The following BPGM variants were observed in gnomAD, a reference collection of about 807,000 sequenced individuals.
The protein encoded by BPGM is 2,3-bisphosphoglycerate mutase, erythrocyte.
A neutral mutation model predicts 21.6 loss-of-function variants in BPGM; 15 were observed. The ratio of observed to expected loss-of-function variants is 0.70; its 90% CI spans 0.47 to 1.07. The LOEUF (loss-of-function observed/expected upper bound fraction) is 1.07, where lower values mean the gene tolerates loss of function less well. BPGM is among the 50% of genes least tolerant of loss of function. The pLI is 0.00. For missense variants in BPGM, 273 were observed against 319.0 expected (o/e 0.86, Z 1.10); for synonymous variants, 113 against 116.2 (o/e 0.97, Z 0.18).
chr7:134,647,477 A>G (rs1795479289), intron 1 of BPGM, among the ~76,000 whole-genome samples: 1 of 152,260 alleles, frequency 6.6e-6, no homozygotes, highest in South Asian at 2.1e-4. Context: ...CACTAGAAAT[A>G]AAAACGTAAG....
rs138448260 is a variant in BPGM, at chr7:134,673,466, A to G, written c.602-5387A>G. Among the ~76,000 whole-genome samples, 17 of 152,340 alleles carry G rather than the reference A, an allele frequency of 1.1e-4. No individual in the cohort carries two copies. The East Asian group carries it at 2.7e-3, about 24-fold the overall frequency. The stretch of plus-strand genomic sequence containing the variant: ...AGGGACCAAACTTGAGAGTGCTGCT[A>G]TTAAACAGGGGACCTGTTGGATCCG... On this transcript the variant is annotated intron_variant, in intron 2 of 2. Coordinates refer to ENST00000344924, the MANE Select transcript of BPGM (RefSeq NM_001724.5).
chr7:134,661,997 A>C lies in BPGM; in HGVS notation c.490A>C (p.Arg164=). 1.9e-6 allele frequency: 3 copies of C among 1,614,172 alleles called. No homozygotes were observed. The highest frequency in any genetic ancestry group is 2.5e-6 in the Non-Finnish European group (3 of 1,180,028). ...RSESLKDVLE[R]LLPYWNERIA... ...GGAAAGCTTAAAGGATGTTCTGGAG[A>C]GACTCCTTCCCTATTGGAATGAAAG... Residue 164 remains arginine (R), a synonymous_variant, in exon 2 of 3, where the codon AGA becomes CGA. Transcript: ENST00000344924. The surrounding 1 kb of genome is among the most constrained non-coding windows in gnomAD (Gnocchi z 4.6).
At chr7:134,655,841 G>A (rs889548657) in intron 1 of BPGM, among the ~76,000 whole-genome samples, 1 of 152,148 alleles carries the variant, frequency 6.6e-6, no homozygotes, top group Non-Finnish European at 1.5e-5. Flanking sequence ...GATGTGCTAG[G>A]TTCTAGAGAT....
At chr7:134,657,613 C>A (rs1795660846) in intron 1 of BPGM, among the ~76,000 whole-genome samples, 1 of 152,114 alleles carries the variant, frequency 6.6e-6, no homozygotes, top group African/African-American at 2.4e-5. Context: ...TGAACCTAAC[C>A]CTAGGGTATG....
At chr7:134,648,408 T>C (rs1585848964) in intron 1 of BPGM, among the ~76,000 whole-genome samples, 1 of 152,288 alleles carries the variant, frequency 6.6e-6, no homozygotes, top group East Asian at 1.9e-4. Flanking sequence ...GTGCTGGGAT[T>C]ACAGGTGTGA....
intron 2 of BPGM, among the ~76,000 whole-genome samples, chr7:134,672,039 G>A (rs1011057363): frequency 3.9e-5 from 6 of 152,126 alleles, no homozygotes; most frequent in Non-Finnish European, 7.4e-5. Flanking sequence ...GAGGGGGTTG[G>A]TAGGTGCAAA....
chr7:134,666,251 A>G (rs1400093249), intron 2 of BPGM, among the ~76,000 whole-genome samples: 1 of 152,142 alleles, frequency 6.6e-6, no homozygotes, highest in Non-Finnish European at 1.5e-5. Context: ...TTTATAGAAA[A>G]TGTTTTTATT....
chr7:134,652,683 A>G (rs1353030936), intron 1 of BPGM, among the ~76,000 whole-genome samples: 2 of 152,070 alleles, frequency 1.3e-5, no homozygotes, highest in Non-Finnish European at 2.9e-5. Flanking sequence ...AATACATTCA[A>G]TTTTCAAAAT....
Position 134,650,393 on chromosome 7 carries a change from TA to T in BPGM, c.-62+3457del, listed in dbSNP as rs1795537125. 2.6e-5 allele frequency among the ~76,000 whole-genome samples: 4 copies of T among 152,156 alleles called. No individual in the cohort carries two copies. The South Asian group carries it at 8.3e-4, about 31-fold the overall frequency. ...GGTTATTCTTGTAACAAGCAATCAG[TA>T]GGAAATATTAGTAGATGTAAGATTG... On this transcript the variant is annotated intron_variant, in intron 1 of 2. Coordinates refer to ENST00000344924, the MANE Select transcript of BPGM (RefSeq NM_001724.5).
At chr7:134,647,825 G>A (rs1044168005) in intron 1 of BPGM, among the ~76,000 whole-genome samples, 14 of 152,036 alleles carry the variant, frequency 9.2e-5, no homozygotes, top group Non-Finnish European at 1.3e-4. Flanking sequence ...ACGGAGTCTC[G>A]CTCTGTCGCC....
intron 1 of BPGM, among the ~76,000 whole-genome samples, chr7:134,659,384 TG>T (rs1795693823): frequency 1.8e-5 from 2 of 109,584 alleles, no homozygotes; most frequent in Non-Finnish European, 3.8e-5. Context: ...TGTGTGTGTG[TG>T]TGTGTGTGTG....
intron 1 of BPGM, among the ~76,000 whole-genome samples, chr7:134,657,183 A>G (rs188265552): frequency 1.5e-4 from 23 of 152,346 alleles, no homozygotes; most frequent in African/African-American, 4.8e-4. Context: ...TGTGCCTCGC[A>G]TTATATCTTG....
chr7:134,663,188 A>G (rs141969861), intron 2 of BPGM, among the ~76,000 whole-genome samples: 100 of 152,376 alleles, frequency 6.6e-4, no homozygotes, highest in Non-Finnish European at 2.4e-4. Context: ...AATAAGTAGA[A>G]ATAGATTATT....
At position 134,679,664 on chromosome 7, in the gene BPGM, C is replaced by T. The variant is rs1344126607; in HGVS notation, c.*633C>T. ...CCTTCATTTGACATTTAGTAGAATT[C>T]CTCTTTGGCCACAAGAATAAGCAGC... is the stretch of plus-strand genomic sequence containing the variant. On this transcript the variant is annotated 3_prime_UTR_variant, in exon 3 of 3. Coordinates refer to ENST00000344924, the MANE Select transcript of BPGM (RefSeq NM_001724.5). The T allele has an allele frequency of 6.6e-6, 1 of 152,188 alleles. No individual in the cohort carries two copies. Among genetic ancestry groups the T allele is most frequent in the Non-Finnish European group, 1.5e-5 (1 of 68,062 alleles). The allele number at this position is 152,188 out of a possible 1,614,324, so 9.4% of individuals were successfully genotyped here.
intron 2 of BPGM, among the ~76,000 whole-genome samples, chr7:134,667,305 T>C (rs1408879243): frequency 1.3e-5 from 2 of 152,134 alleles, no homozygotes; most frequent in African/African-American, 4.8e-5. Flanking sequence ...TGATCATACA[T>C]GCCCATTTTG....
chr7:134,661,414 T>C lies in BPGM; in HGVS notation c.-61-33T>C. On this transcript the variant is annotated intron_variant, in intron 1 of 2. Coordinates refer to ENST00000344924, the MANE Select transcript of BPGM (RefSeq NM_001724.5). The surrounding 1 kb of genome is among the most constrained non-coding windows in gnomAD (Gnocchi z 4.6). ...TTCTATTCCTAGATTGTCAGTTGAA[T>C]ATAACTTAGACTTGTTGTTCTTGTC... The C allele has an allele frequency of 6.4e-7, 1 of 1,559,750 alleles. No individual in the cohort carries two copies.
In BPGM at chr7:134,679,181, C is replaced by T; in HGVS notation, c.*150C>T. The T allele has an allele frequency of 2.3e-6, 2 of 870,008 alleles. No individual in the cohort carries two copies. The highest frequency in any genetic ancestry group is 3.5e-6 in the Non-Finnish European group (2 of 567,806). 53.9% of individuals were successfully genotyped at this position (870,008 alleles called of 1,614,324 possible). A position where few individuals can be genotyped will look rare whatever the true frequency, so the allele number is the denominator to read the frequency against. On this transcript the variant is annotated 3_prime_UTR_variant, in exon 3 of 3. Coordinates refer to ENST00000344924, the MANE Select transcript of BPGM (RefSeq NM_001724.5). ...GGTAACTAGGTAACTTATTGTGGCC[C>T]AGATAAGGCTTTAGGATGCCTCAGT...
At chr7:134,647,829 T>G (rs1795484761) in intron 1 of BPGM, among the ~76,000 whole-genome samples, 1 of 152,240 alleles carries the variant, frequency 6.6e-6, no homozygotes, top group South Asian at 2.1e-4. Flanking sequence ...AGTCTCGCTC[T>G]GTCGCCCAGG....
chr7:134,654,417 C>G (rs1261571447), intron 1 of BPGM, among the ~76,000 whole-genome samples: 1 of 152,118 alleles, frequency 6.6e-6, no homozygotes, highest in Admixed American at 6.5e-5. Context: ...ACAGACTTCT[C>G]GAGACTAAAT....
Sources: gnomAD v4.1 joint callset for allele counts (sites outside exome capture counted in the v4.1 genomes callset) on GRCh38, gnomAD v4.1.1 for gene constraint, Gnocchi (gnomAD v3.1) non-coding constraint, MANE v1.5 for transcripts, NCBI Gene and HGNC (gene_info 2026-07-23, HGNC 2026-07-21) for gene names.